The following ARHGAP32 variants were observed in gnomAD, a reference collection of about 807,000 sequenced individuals.
The protein encoded by ARHGAP32 is Rho GTPase activating protein 32.
ARHGAP32 carries 51 observed loss-of-function variants against 186.5 expected under a neutral mutation model. The ratio of observed to expected loss-of-function variants is 0.27; its 90% CI spans 0.22 to 0.35. The LOEUF (loss-of-function observed/expected upper bound fraction) is 0.35. Ranked by LOEUF, ARHGAP32 falls within the 10% of genes least tolerant of loss-of-function variation. The probability of loss-of-function intolerance (pLI) is 1.00; values close to 1 mark genes in which losing one functional copy is unlikely to be tolerated. For synonymous variants in ARHGAP32, 950 were observed against 964.3 expected, an observed-to-expected ratio of 0.99 and a Z score of 0.27; for missense variants, 2,186 against 2,623.5, an observed-to-expected ratio of 0.83 and a Z score of 3.64.
At chr11:129,051,498 G>T (rs775868800) in intron 10 of ARHGAP32, among the ~76,000 whole-genome samples, 18 of 152,092 alleles carry the variant, frequency 1.2e-4, no homozygotes, top group Non-Finnish European at 2.2e-4. Context: ...TTGTTTTCTT[G>T]TAAATTTGTT....
intron 1 of ARHGAP32, among the ~76,000 whole-genome samples, chr11:129,256,596 G>A (rs180772497): frequency 1.2e-4 from 18 of 152,264 alleles, no homozygotes; most frequent in African/African-American, 4.3e-4. Context: ...TGGATATCCA[G>A]CTGGTCCAAT....
At chr11:129,001,821 T>A (rs188955858) in intron 11 of ARHGAP32, among the ~76,000 whole-genome samples, 20 of 152,346 alleles carry the variant, frequency 1.3e-4, no homozygotes, top group Admixed American at 1.3e-3. Context: ...TTCATTCTTC[T>A]GCACATGGAT....
intron 6 of ARHGAP32, among the ~76,000 whole-genome samples, chr11:129,073,281 G>A (rs1384326373): frequency 6.6e-6 from 1 of 152,140 alleles, no homozygotes; most frequent in Non-Finnish European, 1.5e-5. Context: ...GTCAAAGATG[G>A]CAGGAATGTT....
intron 1 of ARHGAP32, among the ~76,000 whole-genome samples, chr11:129,218,668 G>C (rs1190111948): frequency 6.6e-6 from 1 of 152,152 alleles, no homozygotes; most frequent in Admixed American, 6.6e-5. Context: ...AAAGGAGCCT[G>C]AGTAAAATAT....
At chr11:129,022,488 T>C (rs1938639598) in intron 11 of ARHGAP32, among the ~76,000 whole-genome samples, 1 of 152,138 alleles carries the variant, frequency 6.6e-6, no homozygotes, top group South Asian at 2.1e-4. Flanking sequence ...AGGGTTATAA[T>C]TCAGTCCCTA....
At chr11:129,229,423 C>A (rs1235600291) in intron 1 of ARHGAP32, among the ~76,000 whole-genome samples, 2 of 151,838 alleles carry the variant, frequency 1.3e-5, no homozygotes, top group African/African-American at 2.4e-5. Flanking sequence ...AATTAGTGAA[C>A]CTTTGAAAAA....
chr11:129,209,913 G>A (rs900734837), intron 1 of ARHGAP32, among the ~76,000 whole-genome samples: 3 of 152,052 alleles, frequency 2.0e-5, no homozygotes, highest in Admixed American at 6.5e-5. Flanking sequence ...CCAGAATGTC[G>A]GGGGATATCA....
chr11:128,968,722 A>T lies in ARHGAP32; in HGVS notation c.*185T>A. 4.3e-6 allele frequency: 2 copies of T among 466,268 alleles called. No individual in the cohort carries two copies. Among genetic ancestry groups the T allele is most frequent in the Non-Finnish European group, 7.1e-6 (2 of 283,428 alleles). 28.9% of individuals were successfully genotyped at this position (466,268 alleles called of 1,614,324 possible). On this transcript the variant is annotated 3_prime_UTR_variant, in exon 23 of 23. Coordinates refer to ENST00000682385, the MANE Select transcript of ARHGAP32 (RefSeq NM_001378024.1). Reference sequence around the variant, plus strand: ...TAAAGACAAAAATGACAAAGTCTATAGATGGAAGAGGGGGTAATGAAGCAG... The same window carrying T: ...TAAAGACAAAAATGACAAAGTCTATTGATGGAAGAGGGGGTAATGAAGCAG...
intron 11 of ARHGAP32, among the ~76,000 whole-genome samples, chr11:129,005,146 C>T (rs1429152021): frequency 4.0e-5 from 6 of 151,242 alleles, no homozygotes; most frequent in Non-Finnish European, 7.4e-5. Context: ...AAAAAGAAAA[C>T]TAACAGACTG....
At chr11:129,238,795 ATAAT>A (rs1225776206) in intron 1 of ARHGAP32, among the ~76,000 whole-genome samples, 2 of 63,478 alleles carry the variant, frequency 3.2e-5, no homozygotes, top group Admixed American at 3.6e-4. Flanking sequence ...CTAACCAAAC[ATAAT>A]TAAGACTTCT....
intron 10 of ARHGAP32, among the ~76,000 whole-genome samples, chr11:129,055,641 C>T (rs1342183216): frequency 2.6e-5 from 4 of 152,046 alleles, no homozygotes; most frequent in Non-Finnish European, 4.4e-5. Context: ...CACAGAGGAA[C>T]CTTAAATGCA....
chr11:129,099,041 T>C (rs553780959), intron 5 of ARHGAP32, among the ~76,000 whole-genome samples: 1 of 152,196 alleles, frequency 6.6e-6, no homozygotes, highest in Admixed American at 6.5e-5. Flanking sequence ...TTAAAAAGCA[T>C]TAATGCAGGA....
At position 129,185,273 on chromosome 11, in the gene ARHGAP32, T is replaced by C. The variant is rs569066187; in HGVS notation, c.116+6810A>G. On this transcript the variant is annotated intron_variant, in intron 1 of 22. Transcript: ENST00000682385. ...TACACCACGGAATACTATGCAGCCA[T>C]AAAAAATGATGAGGTCATGTCCTTT... Among the ~76,000 whole-genome samples, 5 of 152,258 alleles carry C rather than the reference T, an allele frequency of 3.3e-5. No individual in the cohort carries two copies. In the East Asian group the frequency reaches 7.7e-4, roughly 23 times the overall value.
At chr11:129,269,298 CAAAT>C (rs1240136015) in intron 1 of ARHGAP32, among the ~76,000 whole-genome samples, 2 of 151,708 alleles carry the variant, frequency 1.3e-5, no homozygotes, top group African/African-American at 4.8e-5. Flanking sequence ...ATTAATTAAA[CAAAT>C]AAGCAAATAA....
In ARHGAP32 at chr11:129,192,230, T is replaced by G. The variant is rs575345713; in HGVS notation, c.-32A>C. ...CTTAAAAAACAAAAAAAACTAAACC[T>G]CCAGGCATGGAATAAAAAGCACCAA... On this transcript the variant is annotated 5_prime_UTR_variant, in exon 1 of 23. Transcript: ENST00000682385. 8.7e-6 allele frequency: 13 copies of G among 1,495,168 alleles called. No individual in the cohort carries two copies. Among genetic ancestry groups the G allele is most frequent in the African/African-American group, 6.9e-5 (5 of 72,458 alleles). 92.6% of individuals were successfully genotyped at this position (1,495,168 alleles called of 1,614,324 possible).
intron 10 of ARHGAP32, among the ~76,000 whole-genome samples, chr11:129,052,746 C>T (rs1940103639): frequency 6.6e-6 from 1 of 151,874 alleles, no homozygotes; most frequent in South Asian, 2.1e-4. Context: ...CATAGTTGTC[C>T]CAAGTATTTA....
chr11:129,213,670 T>C (rs1241095794), intron 1 of ARHGAP32, among the ~76,000 whole-genome samples: 2 of 152,176 alleles, frequency 1.3e-5, no homozygotes, highest in Non-Finnish European at 2.9e-5. Flanking sequence ...GCTTCCCTTA[T>C]CTTGAATTTT....
At chr11:129,142,343 G>C (rs867008835) in intron 2 of ARHGAP32, among the ~76,000 whole-genome samples, 1 of 152,102 alleles carries the variant, frequency 6.6e-6, no homozygotes, top group South Asian at 2.1e-4. Context: ...ACAGAAGGTA[G>C]GATGTCCCAA....
chr11:128,990,096 T>C (rs950501096), intron 12 of ARHGAP32, among the ~76,000 whole-genome samples: 1 of 152,162 alleles, frequency 6.6e-6, no homozygotes, highest in African/African-American at 2.4e-5. Flanking sequence ...AAACCAACCA[T>C]GCTATGACTT....
Sources: allele counts gnomAD v4.1 joint callset (sites outside exome capture counted in the v4.1 genomes callset), GRCh38; gene constraint gnomAD v4.1.1; transcripts MANE v1.5; gene names NCBI Gene and HGNC (gene_info 2026-07-23, HGNC 2026-07-21).